FGF14: variants seen among roughly 807,000 people sequenced by gnomAD.
FGF14 encodes fibroblast growth factor homologous factor 4.
FGF14 carries 5 observed loss-of-function variants against 25.5 expected under a neutral mutation model. That is an observed-to-expected ratio of 0.20 (90% CI 0.10 to 0.41). FGF14 has a LOEUF of 0.41. FGF14 is among the 10% of genes least tolerant of loss of function. The pLI, the probability that FGF14 is intolerant of heterozygous loss-of-function variation, is 1.00. For missense variants in FGF14, 222 were observed against 320.1 expected (o/e 0.69, Z 2.34); for synonymous variants, 138 against 118.3 (o/e 1.17, Z -1.08).
chr13:102,024,769 G>A (rs1243029521), intron 1 of FGF14, among the ~76,000 whole-genome samples: 1 of 151,740 alleles, frequency 6.6e-6, no homozygotes, highest in African/African-American at 2.4e-5. Context: ...TGTATATGGT[G>A]TGAGGTAAAG....
At chr13:101,778,551 G>A (rs1211987146) in intron 3 of FGF14, among the ~76,000 whole-genome samples, 1 of 152,088 alleles carries the variant, frequency 6.6e-6, no homozygotes, top group African/African-American at 2.4e-5. Context: ...TACCTGTTTT[G>A]CTTTTACCTA....
chr13:101,823,171 AATACAAGTATTTGTGTGGATTT>A (rs1301438732), intron 3 of FGF14, among the ~76,000 whole-genome samples: 1 of 151,982 alleles, frequency 6.6e-6, no homozygotes, highest in African/African-American at 2.4e-5. Context: ...TAAACGTTTG[AATACAAGTATTTGTGTGGATTT>A]ATGTTTGCAT....
Position 102,082,455 on chromosome 13 carries a change from C to T in FGF14, c.209-207159G>A, listed in dbSNP as rs377011390. On this transcript the variant is annotated intron_variant, in intron 1 of 4. Coordinates refer to the FGF14 transcript ENST00000376131. Reference sequence around the variant, plus strand: ...ACTAGTTCTCATTAATTTCAATAACCAGAGTCACAACCAGAAAATCAACAA... The same window carrying T: ...ACTAGTTCTCATTAATTTCAATAACTAGAGTCACAACCAGAAAATCAACAA... Among the ~76,000 whole-genome samples, 15 of 152,166 alleles carry T rather than the reference C, an allele frequency of 9.9e-5. No individual in the cohort carries two copies. In the East Asian group the frequency reaches 1.4e-3, roughly 14 times the overall value.
chr13:102,160,294 T>C (rs2047561294), intron 1 of FGF14, among the ~76,000 whole-genome samples: 1 of 152,172 alleles, frequency 6.6e-6, no homozygotes, highest in Non-Finnish European at 1.5e-5. Flanking sequence ...TGCTGGTCTC[T>C]TCCCCCAGGG....
intron 1 of FGF14, among the ~76,000 whole-genome samples, chr13:102,255,993 T>C (rs975874688): frequency 6.6e-6 from 1 of 152,082 alleles, no homozygotes; most frequent in East Asian, 1.9e-4. Context: ...AACTTGAATT[T>C]GATAATAATT....
chr13:102,161,585 AGAAGAAG>A (rs2047665436), intron 1 of FGF14, among the ~76,000 whole-genome samples: 1 of 2,414 alleles, frequency 4.1e-4, no homozygotes, highest in Non-Finnish European at 6.1e-4. Context: ...AAGAAGAAGA[AGAAGAAG>A]AAGAAGAAGA....
chr13:102,077,999 C>G lies in FGF14; in HGVS notation c.209-202703G>C, dbSNP rs139847646. On this transcript the variant is annotated intron_variant, in intron 1 of 4. Transcript: ENST00000376131. ...TGTGTTTGCAACAACATGGATGAAC[C>G]TGGAAGACATTTATAGTAAGTGAAA... 6.3e-3 allele frequency among the ~76,000 whole-genome samples: 960 copies of G among 152,030 alleles called. 11 individuals carry two copies. The highest frequency in any genetic ancestry group is 0.021 in the African/African-American group (881 of 41,478).
chr13:102,169,859 T>G lies in FGF14; in HGVS notation c.208+231612A>C, dbSNP rs191809237. On this transcript the variant is annotated intron_variant, in intron 1 of 4. Coordinates refer to the FGF14 transcript ENST00000376131. ...CCCAGTCCAGCAGCCACTGGGCACA[T>G]GTAACTATTGAGCACTTGAAATGTG... is the stretch of plus-strand genomic sequence containing the variant. Among the ~76,000 whole-genome samples the G allele has an allele frequency of 5.1e-3, 777 of 152,274 alleles. 3 individuals are homozygous for G. Among genetic ancestry groups the G allele is most frequent in the Non-Finnish European group, 9.0e-3 (614 of 68,016 alleles).
At chr13:101,723,082 G>T in intron 4 of FGF14, 115 bp from the exon 5 acceptor site, 2 of 1,220,530 alleles carry the variant, frequency 1.6e-6, no homozygotes, top group Non-Finnish European at 2.4e-6. Context: ...TTTCCCTGAA[G>T]TAAAGCAATT....
At chr13:101,962,807 C>T (rs2036948218) in intron 1 of FGF14, among the ~76,000 whole-genome samples, 1 of 152,148 alleles carries the variant, frequency 6.6e-6, no homozygotes, top group African/African-American at 2.4e-5. Context: ...CTGCATCCAG[C>T]TTGCTGCTCC....
intron 1 of FGF14, among the ~76,000 whole-genome samples, chr13:102,166,733 G>C (rs2048029565): frequency 6.6e-6 from 1 of 152,238 alleles, no homozygotes; most frequent in Non-Finnish European, 1.5e-5. Flanking sequence ...CAATGCTAAT[G>C]AATCAACAAT....
intron 3 of FGF14, among the ~76,000 whole-genome samples, chr13:101,854,855 A>G (rs573716736): frequency 6.6e-6 from 1 of 152,176 alleles, no homozygotes; most frequent in South Asian, 2.1e-4. Context: ...TATAGATCTT[A>G]CACAATAGCC....
intron 1 of FGF14, among the ~76,000 whole-genome samples, chr13:102,378,595 ATATCTATC>A (rs4000839): frequency 1.0e-3 from 141 of 140,420 alleles, no homozygotes; most frequent in East Asian, 3.3e-3. Context: ...ATATATATCT[ATATCTATC>A]TATCTATCTA....
intron 1 of FGF14, among the ~76,000 whole-genome samples, chr13:101,908,930 A>G (rs1192809319): frequency 2.0e-5 from 3 of 152,194 alleles, no homozygotes; most frequent in Non-Finnish European, 4.4e-5. Context: ...CCTCAGAAAT[A>G]ATGCCACATA....
chr13:102,151,160 C>A (rs894521491), intron 1 of FGF14, among the ~76,000 whole-genome samples: 1 of 152,152 alleles, frequency 6.6e-6, no homozygotes, highest in Non-Finnish European at 1.5e-5. Flanking sequence ...TATTATAGTA[C>A]AAAGCCAAGA....
intron 3 of FGF14, among the ~76,000 whole-genome samples, chr13:101,839,306 T>C (rs894223662): frequency 2.0e-5 from 3 of 152,052 alleles, no homozygotes; most frequent in African/African-American, 7.2e-5. Context: ...GTCTAATTTA[T>C]AGACATACAA....
intron 3 of FGF14, among the ~76,000 whole-genome samples, chr13:101,797,735 A>ATG (rs1555384521): frequency 0.077 from 2,624 of 33,966 alleles, 56 homozygotes; most frequent in African/African-American, 0.13. Context: ...TCATGAATTG[A>ATG]TGTGTGTGTG....
At chr13:102,360,118 C>T (rs1467032230) in intron 1 of FGF14, among the ~76,000 whole-genome samples, 2 of 152,184 alleles carry the variant, frequency 1.3e-5, no homozygotes, top group East Asian at 3.8e-4. Flanking sequence ...ATTCTAACTT[C>T]ACTCTTATTA....
At chr13:102,074,353 TG>T (rs1286164377) in intron 1 of FGF14, among the ~76,000 whole-genome samples, 2 of 152,156 alleles carry the variant, frequency 1.3e-5, no homozygotes. Flanking sequence ...CATTTGTTCC[TG>T]GGGGAAAAAT....
Sources: gnomAD v4.1 joint callset for allele counts (sites outside exome capture counted in the v4.1 genomes callset) on GRCh38, gnomAD v4.1.1 for gene constraint, MANE v1.5 for transcripts, NCBI Gene and HGNC (gene_info 2026-07-23, HGNC 2026-07-21) for gene names.